The following DSCAM variants were observed in gnomAD, a reference collection of about 807,000 sequenced individuals.
DSCAM encodes the protein DS cell adhesion molecule.
DSCAM carries 47 observed loss-of-function variants against 217.7 expected under a neutral mutation model. That is an observed-to-expected ratio of 0.22 (90% CI 0.17 to 0.28). DSCAM has a LOEUF of 0.28. DSCAM is among the 10% of genes least tolerant of loss of function. The probability of loss-of-function intolerance (pLI) is 1.00; values close to 1 mark genes in which losing one functional copy is unlikely to be tolerated. For missense variants in DSCAM, 2,080 were observed against 2,618.3 expected, an observed-to-expected ratio of 0.79 and a Z score of 4.49; for synonymous variants, 1,056 against 1,015.3, an observed-to-expected ratio of 1.04 and a Z score of -0.76.
At chr21:40,428,204 C>G (rs1447943426) in intron 3 of DSCAM, among the ~76,000 whole-genome samples, 1 of 150,886 alleles carries the variant, frequency 6.6e-6, no homozygotes, top group Non-Finnish European at 1.5e-5. Flanking sequence ...AGGCGCTGGC[C>G]TCAACTGTGT....
intron 27 of DSCAM, among the ~76,000 whole-genome samples, chr21:40,069,062 G>A (rs2146532150): frequency 6.7e-6 from 1 of 149,446 alleles, no homozygotes. Context: ...TCCAGCCTGG[G>A]CAAAAAGAGC....
At chr21:40,813,914 G>A (rs1181120211) in intron 1 of DSCAM, among the ~76,000 whole-genome samples, 1 of 151,974 alleles carries the variant, frequency 6.6e-6, no homozygotes, top group Non-Finnish European at 1.5e-5. Flanking sequence ...CAAAGTGCTG[G>A]GATTACAGGT....
chr21:40,531,913 G>C (rs186226936), intron 3 of DSCAM, among the ~76,000 whole-genome samples: 70 of 152,308 alleles, frequency 4.6e-4, no homozygotes, highest in Admixed American at 9.1e-4. Context: ...TGAGGTGCTG[G>C]GCTTGGGGAG....
At chr21:40,722,179 A>G (rs2090908838) in intron 1 of DSCAM, among the ~76,000 whole-genome samples, 1 of 152,178 alleles carries the variant, frequency 6.6e-6, no homozygotes, top group East Asian at 1.9e-4. Flanking sequence ...AAAATCTTTC[A>G]GGAAGAAAAG....
intron 3 of DSCAM, among the ~76,000 whole-genome samples, chr21:40,569,452 G>C (rs1053887517): frequency 2.5e-4 from 38 of 152,176 alleles, no homozygotes; most frequent in African/African-American, 8.9e-4. Context: ...AGATTTAAGA[G>C]GAAAACTGAA....
chr21:40,661,450 A>C (rs552886802), intron 3 of DSCAM, among the ~76,000 whole-genome samples: 77 of 152,346 alleles, frequency 5.1e-4, no homozygotes, highest in African/African-American at 1.8e-3. Flanking sequence ...ATTATTCGAC[A>C]ACAAAAATAA....
intron 3 of DSCAM, among the ~76,000 whole-genome samples, chr21:40,632,230 G>A (rs1242351040): frequency 6.6e-6 from 1 of 151,918 alleles, no homozygotes. Context: ...CTACCCCCAA[G>A]ACAAATCCAG....
At chr21:40,833,193 C>T (rs1248050041) in intron 1 of DSCAM, among the ~76,000 whole-genome samples, 1 of 152,040 alleles carries the variant, frequency 6.6e-6, no homozygotes, top group Admixed American at 6.6e-5. Flanking sequence ...TGTCTCTGCA[C>T]TCTCCTCTTC....
At chr21:40,490,700 T>C (rs999866373) in intron 3 of DSCAM, among the ~76,000 whole-genome samples, 1 of 152,202 alleles carries the variant, frequency 6.6e-6, no homozygotes, top group African/African-American at 2.4e-5. Flanking sequence ...GACCAATTGT[T>C]AATGTGCTTT....
intron 1 of DSCAM, among the ~76,000 whole-genome samples, chr21:40,724,651 G>T (rs541113161): frequency 5.3e-5 from 8 of 152,238 alleles, no homozygotes; most frequent in Admixed American, 2.6e-4. Flanking sequence ...GATTAAAGAA[G>T]AAAATGAATT....
chr21:40,566,204 T>C (rs1601749686), intron 3 of DSCAM, among the ~76,000 whole-genome samples: 1 of 152,078 alleles, frequency 6.6e-6, no homozygotes, highest in Non-Finnish European at 1.5e-5. Flanking sequence ...TTTGGCACTG[T>C]TGACGCTCAG....
chr21:40,702,647 A>G (rs942419644), intron 2 of DSCAM, among the ~76,000 whole-genome samples: 4 of 151,390 alleles, frequency 2.6e-5, no homozygotes, highest in African/African-American at 9.8e-5. Flanking sequence ...GGTTAGGTTT[A>G]TCATTTTGCT....
intron 1 of DSCAM, among the ~76,000 whole-genome samples, chr21:40,797,152 C>T (rs187837938): frequency 1.3e-5 from 2 of 152,290 alleles, no homozygotes. Context: ...GAAAAAATGA[C>T]ACATTGTGCT....
At chr21:40,446,603 T>G (rs542488830) in intron 3 of DSCAM, among the ~76,000 whole-genome samples, 1 of 152,094 alleles carries the variant, frequency 6.6e-6, no homozygotes, top group South Asian at 2.1e-4. Context: ...AAAAAGCAAA[T>G]GTGTTTAGTG....
intron 1 of DSCAM, among the ~76,000 whole-genome samples, chr21:40,724,831 A>G (rs2090937504): frequency 6.6e-6 from 1 of 152,256 alleles, no homozygotes; most frequent in Non-Finnish European, 1.5e-5. Context: ...TTCTTTTGCT[A>G]GAACTTCACT....
At chr21:40,037,860 C>T (rs920488340) in intron 32 of DSCAM, among the ~76,000 whole-genome samples, 1 of 143,036 alleles carries the variant, frequency 7.0e-6, no homozygotes, top group African/African-American at 2.7e-5. Context: ...AGAAATAATG[C>T]TGCATATCTA....
At chr21:40,762,194 CA>C (rs1272452845) in intron 1 of DSCAM, among the ~76,000 whole-genome samples, 1 of 151,618 alleles carries the variant, frequency 6.6e-6, no homozygotes, top group Non-Finnish European at 1.5e-5. Context: ...AAAAGATTAA[CA>C]AAATAGATAG....
intron 1 of DSCAM, among the ~76,000 whole-genome samples, chr21:40,827,559 C>G (rs1407360589): frequency 2.5e-5 from 2 of 80,536 alleles, no homozygotes; most frequent in Non-Finnish European, 4.7e-5. Context: ...TTGACAAAAG[C>G]AGATTCAATG....
chr21:40,785,996 G>C (rs1311387964), intron 1 of DSCAM, among the ~76,000 whole-genome samples: 1 of 152,136 alleles, frequency 6.6e-6, no homozygotes, highest in East Asian at 1.9e-4. Context: ...CAGCACTTTG[G>C]GAGGCCGAGG....
Sources: gnomAD v4.1 joint callset for allele counts (sites outside exome capture counted in the v4.1 genomes callset) on GRCh38, gnomAD v4.1.1 for gene constraint, MANE v1.5 for transcripts, NCBI Gene and HGNC (gene_info 2026-07-23, HGNC 2026-07-21) for gene names.